TSPAN11: variants seen among roughly 807,000 people sequenced by gnomAD.
TSPAN11 encodes the protein tetraspanin 11.
Under a neutral mutation model 32.9 loss-of-function variants are expected in TSPAN11, and 29 were observed. That is an observed-to-expected ratio of 0.88 (90% confidence interval 0.66 to 1.20). The LOEUF (loss-of-function observed/expected upper bound fraction) is 1.20. Ranked by LOEUF, TSPAN11 falls within the 50% of genes most tolerant of loss-of-function variation. The pLI is 0.00. For missense variants in TSPAN11, 283 were observed against 329.1 expected (o/e 0.86, Z 1.08); for synonymous variants, 140 against 141.3 (o/e 0.99, Z 0.07).
At chr12:31,012,206 T>C in the TSPAN11 span, among the ~76,000 whole-genome samples, 1 of 152,226 alleles carries the variant, frequency 6.6e-6, no homozygotes, top group Non-Finnish European at 1.5e-5. Context: ...TGTGCACCGC[T>C]ATTTTGGCCT....
intron 7 of TSPAN11, among the ~76,000 whole-genome samples, chr12:30,983,602 T>A (rs1054222859): frequency 2.6e-5 from 4 of 152,124 alleles, no homozygotes; most frequent in Non-Finnish European, 5.9e-5. Context: ...TGTGTGTGCA[T>A]GTGTGTTTGT....
chr12:31,001,876 G>A, the TSPAN11 span, among the ~76,000 whole-genome samples: 3 of 152,222 alleles, frequency 2.0e-5, no homozygotes, highest in Non-Finnish European at 2.9e-5. Context: ...CCACGGCTCC[G>A]CTTGTGTGAC....
chr12:30,954,030 C>T lies in TSPAN11; in HGVS notation c.39C>T (p.Ile13=), dbSNP rs148657299. 1,973 of 1,613,836 alleles carry T rather than the reference C, an allele frequency of 1.2e-3. 3 individuals are homozygous for T. Among genetic ancestry groups the T allele is most frequent in the Non-Finnish European group, 1.5e-3 (1,719 of 1,179,950 alleles). Residue 13 remains isoleucine (I), a synonymous_variant, in exon 2 of 8, where the codon ATC becomes ATT. Coordinates refer to ENST00000546076, the MANE Select transcript of TSPAN11 (RefSeq NM_001370302.1). ...AGACTGAGCAGGACGACTGGCTGAT[C>T]ATCTACTTGAAGTATTTACTCTTTG... ...HYKTEQDDWL[I]IYLKYLLFVF... is the part of the protein sequence containing the mutation.
chr12:30,931,340 A>G (rs1038040652), intron 1 of TSPAN11, among the ~76,000 whole-genome samples: 1 of 152,188 alleles, frequency 6.6e-6, no homozygotes, highest in Non-Finnish European at 1.5e-5. Context: ...AGCTCAGAAG[A>G]AAAAAGGACA....
intron 1 of TSPAN11, among the ~76,000 whole-genome samples, chr12:30,948,365 C>T (rs1191495350): frequency 6.6e-6 from 1 of 152,382 alleles, no homozygotes; most frequent in African/African-American, 2.4e-5. Flanking sequence ...CCACACTGCC[C>T]TAGCAGAGGT....
Position 30,975,775 on chromosome 12 carries a change from A to G in TSPAN11, c.277-2786A>G, listed in dbSNP as rs974448087. On this transcript the variant is annotated intron_variant, in intron 3 of 7. Transcript: ENST00000546076. The surrounding 1 kb of genome is among the most constrained non-coding windows in gnomAD (Gnocchi z 4.5). The stretch of plus-strand genomic sequence containing the variant: ...ACAGCTCACAGTGGTGGTGGAGAGA[A>G]GGAAGGTGGAGAGATGCCAGGATGT... Among the ~76,000 whole-genome samples the G allele has an allele frequency of 6.6e-6, 1 of 151,680 alleles. No homozygotes were observed. Among genetic ancestry groups the G allele is most frequent in the Non-Finnish European group, 1.5e-5 (1 of 67,988 alleles).
chr12:30,956,125 G>T (rs567476426), intron 2 of TSPAN11, among the ~76,000 whole-genome samples: 1 of 152,324 alleles, frequency 6.6e-6, no homozygotes, highest in South Asian at 2.1e-4. Flanking sequence ...AAATTGTCAA[G>T]ATTGGGTCCT....
At chr12:30,983,302 C>A in intron 7 of TSPAN11, 152 bp downstream of exon 7, 1 of 731,128 alleles carries the variant, frequency 1.4e-6, no homozygotes, top group Non-Finnish European at 2.2e-6. Context: ...CTTCCCTCTG[C>A]AACCAAGGCT....
the TSPAN11 span, among the ~76,000 whole-genome samples, chr12:31,004,067 AG>A: frequency 6.6e-6 from 1 of 152,200 alleles, no homozygotes; most frequent in African/African-American, 2.4e-5. Context: ...CTGGGAAACC[AG>A]GGTATGGAGC....
chr12:30,928,628 C>G (rs139554718), intron 1 of TSPAN11, among the ~76,000 whole-genome samples: 1 of 152,170 alleles, frequency 6.6e-6, no homozygotes, highest in African/African-American at 2.4e-5. Context: ...TGGGAGATGC[C>G]GGCAACCCAG....
At chr12:31,010,357 CA>C in the TSPAN11 span, among the ~76,000 whole-genome samples, 2 of 152,184 alleles carry the variant, frequency 1.3e-5, no homozygotes, top group African/African-American at 4.8e-5. Flanking sequence ...CATTAAATCA[CA>C]ACTACTAATT....
At chr12:30,928,863 G>T (rs940426062) in intron 1 of TSPAN11, among the ~76,000 whole-genome samples, 1 of 152,218 alleles carries the variant, frequency 6.6e-6, no homozygotes, top group African/African-American at 2.4e-5. Flanking sequence ...TCTGAACTTA[G>T]CTTTGCCACA....
At chr12:30,953,767 A>G (rs1365952989) in intron 1 of TSPAN11, among the ~76,000 whole-genome samples, 1 of 152,218 alleles carries the variant, frequency 6.6e-6, no homozygotes, top group Non-Finnish European at 1.5e-5. Flanking sequence ...ACTGACATCT[A>G]AAGGTCTGGA....
the TSPAN11 span, among the ~76,000 whole-genome samples, chr12:31,004,253 T>C: frequency 6.6e-6 from 1 of 152,196 alleles, no homozygotes; most frequent in African/African-American, 2.4e-5. Context: ...TGCCATTGAA[T>C]ACCTGACCCT....
At chr12:30,960,303 C>T (rs904802424) in intron 2 of TSPAN11, among the ~76,000 whole-genome samples, 33 of 151,894 alleles carry the variant, frequency 2.2e-4, no homozygotes, top group African/African-American at 7.5e-4. Flanking sequence ...TACTATCACC[C>T]TGTACACTTC....
At chr12:31,013,643 A>G in the TSPAN11 span, among the ~76,000 whole-genome samples, 20 of 145,296 alleles carry the variant, frequency 1.4e-4, 1 homozygote, top group South Asian at 4.3e-3. Flanking sequence ...CATCCCAGGT[A>G]AAAGAAACAG....
chr12:30,937,153 A>G (rs1938061555), intron 1 of TSPAN11, among the ~76,000 whole-genome samples: 1 of 152,206 alleles, frequency 6.6e-6, no homozygotes, highest in Non-Finnish European at 1.5e-5. Flanking sequence ...GGCTCTGGCA[A>G]TTGGAAGTGA....
Position 30,963,950 on chromosome 12 carries a change from T to G in TSPAN11, c.209T>G (p.Leu70Arg). ...TACATCCTCATCTTTGCGGGCGTAC[T>G]TGTCATGGTGACCGGCTTCCTGGGC... ...SAYILIFAGV[L>R]VMVTGFLGFG... Residue 70 changes from leucine to arginine, a missense_variant, in exon 3 of 8, where the codon CTT (leucine) becomes CGT (arginine). By Grantham distance (102) the Leu-to-Arg change is moderately radical. Coordinates refer to ENST00000546076, the MANE Select transcript of TSPAN11 (RefSeq NM_001370302.1). 6.2e-7 allele frequency: 1 copy of G among 1,614,116 alleles called. No homozygotes were observed. The highest frequency in any genetic ancestry group is 8.5e-7 in the Non-Finnish European group (1 of 1,180,026).
intron 1 of TSPAN11, among the ~76,000 whole-genome samples, chr12:30,944,845 G>T (rs1367363668): frequency 6.6e-6 from 1 of 152,200 alleles, no homozygotes; most frequent in Non-Finnish European, 1.5e-5. Context: ...TGAGTATGGG[G>T]TGCTCCCCTC....
Sources: gnomAD v4.1 joint callset for allele counts (sites outside exome capture counted in the v4.1 genomes callset) on GRCh38, gnomAD v4.1.1 for gene constraint, Gnocchi (gnomAD v3.1) non-coding constraint, MANE v1.5 for transcripts, NCBI Gene and HGNC (gene_info 2026-07-23, HGNC 2026-07-21) for gene names.